LCLAT1: variants seen among roughly 807,000 people sequenced by gnomAD.
The protein encoded by LCLAT1 is lysocardiolipin acyltransferase 1, also known as 1-AGP acyltransferase 8.
LCLAT1 carries 11 observed loss-of-function variants against 30.7 expected under a neutral mutation model. The ratio of observed to expected loss-of-function variants is 0.36; its 90% CI spans 0.23 to 0.59. LCLAT1 has a LOEUF of 0.59. Among genes scored for constraint, LCLAT1 ranks in the 20% least tolerant of loss-of-function variants. LCLAT1 has a pLI of 0.77. For missense variants in LCLAT1, 402 were observed against 458.6 expected (o/e 0.88, Z 1.13); for synonymous variants, 155 against 151.3 (o/e 1.02, Z -0.18).
intron 1 of LCLAT1, among the ~76,000 whole-genome samples, chr2:30,506,174 C>T (rs1171434393): frequency 6.6e-6 from 1 of 152,050 alleles, no homozygotes; most frequent in Admixed American, 6.6e-5. Context: ...TATCTTGTAA[C>T]TTCTTTTTGT....
chr2:30,636,327 T>A (rs1340586121), intron 5 of LCLAT1, among the ~76,000 whole-genome samples: 1 of 152,142 alleles, frequency 6.6e-6, no homozygotes, highest in African/African-American at 2.4e-5. Context: ...AGTATTGAAA[T>A]GTGATTTACC....
Position 30,569,658 on chromosome 2 carries a change from A to G in LCLAT1, c.628+1482A>G, listed in dbSNP as rs1194465294. Among the ~76,000 whole-genome samples, 7 of 152,350 alleles carry G rather than the reference A, an allele frequency of 4.6e-5. No homozygotes were observed. In the East Asian group the frequency reaches 1.2e-3, roughly 25 times the overall value. On this transcript the variant is annotated intron_variant, in intron 5 of 5. Transcript: ENST00000379509. Reference sequence around the variant, plus strand: ...ACTGTTGTTCTCTTTAGGATTTAATATACTTTAAGATAAAAAGTATAACCT... The same window carrying G: ...ACTGTTGTTCTCTTTAGGATTTAATGTACTTTAAGATAAAAAGTATAACCT...
intron 1 of LCLAT1, among the ~76,000 whole-genome samples, chr2:30,449,384 G>A (rs965536928): frequency 2.6e-5 from 4 of 152,112 alleles, no homozygotes; most frequent in Middle Eastern, 3.4e-3. Flanking sequence ...TTCCATTGGC[G>A]TCCAATAGTG....
chr2:30,525,439 C>T (rs1391880118), intron 1 of LCLAT1, 148 bp from the exon 2 acceptor site: 2 of 637,130 alleles, frequency 3.1e-6, no homozygotes, highest in Non-Finnish European at 5.5e-6. Context: ...AGGAGGGTCA[C>T]CTCTTTGAAA....
chr2:30,455,909 C>CAAAAAA (rs3060184), intron 1 of LCLAT1, among the ~76,000 whole-genome samples: 4 of 60,996 alleles, frequency 6.6e-5, no homozygotes, highest in Admixed American at 2.3e-4. Flanking sequence ...GACCCTATAT[C>CAAAAAA]AAAAAAAAAA....
chr2:30,501,793 A>G (rs550865472), intron 1 of LCLAT1, among the ~76,000 whole-genome samples: 8 of 152,362 alleles, frequency 5.3e-5, no homozygotes, highest in African/African-American at 1.7e-4. Flanking sequence ...ATGCCTTCCA[A>G]TGAATCTCAA....
Position 30,454,634 on chromosome 2 carries a change from T to G in LCLAT1, c.-5+7251T>G, listed in dbSNP as rs532235053. On this transcript the variant is annotated intron_variant, in intron 1 of 5. Transcript: ENST00000379509. ...CGTCTGGCTAATTTTTTTTTTTTTTTGTAGAGATATTGTTGTGTTGCCTGG... is the reference window on the plus strand; with the variant it reads ...CGTCTGGCTAATTTTTTTTTTTTTTGGTAGAGATATTGTTGTGTTGCCTGG... Among the ~76,000 whole-genome samples the G allele has an allele frequency of 4.8e-3, 709 of 147,858 alleles. 2 individuals carry two copies. The highest frequency in any genetic ancestry group is 0.017 in the Middle Eastern group (5 of 292).
chr2:30,476,089 T>C (rs1683028128), intron 1 of LCLAT1, among the ~76,000 whole-genome samples: 2 of 152,218 alleles, frequency 1.3e-5, no homozygotes, highest in Admixed American at 1.3e-4. Context: ...AAAGGTAGTA[T>C]AGGTCATAGA....
At chr2:30,528,421 G>A (rs1307509301) in intron 2 of LCLAT1, among the ~76,000 whole-genome samples, 1 of 152,224 alleles carries the variant, frequency 6.6e-6, no homozygotes, top group African/African-American at 2.4e-5. Context: ...TAAGGTAAGG[G>A]AAGAGTGGGC....
intron 5 of LCLAT1, among the ~76,000 whole-genome samples, chr2:30,573,006 C>T (rs1665849702): frequency 6.6e-6 from 1 of 152,088 alleles, no homozygotes; most frequent in African/African-American, 2.4e-5. Flanking sequence ...GCAGAAGTAG[C>T]TTGATGACTT....
chr2:30,567,918 G>A (rs77225022), intron 4 of LCLAT1, 142 bp from the exon 5 acceptor site: 6,458 of 518,766 alleles, frequency 0.012, 185 homozygotes, highest in East Asian at 0.087. Context: ...TGCAATGTTT[G>A]TATCTTCTCA....
chr2:30,501,192 C>A (rs1684368801), intron 1 of LCLAT1, among the ~76,000 whole-genome samples: 1 of 151,856 alleles, frequency 6.6e-6, no homozygotes, highest in East Asian at 1.9e-4. Context: ...AGACTGATCT[C>A]CCGTCTCCTT....
chr2:30,611,313 C>T (rs930396357), intron 5 of LCLAT1, among the ~76,000 whole-genome samples: 4 of 151,992 alleles, frequency 2.6e-5, no homozygotes, highest in African/African-American at 9.7e-5. Context: ...TGAAAATAAA[C>T]TATATAATGT....
intron 5 of LCLAT1, among the ~76,000 whole-genome samples, chr2:30,591,216 A>G (rs1402700479): frequency 6.6e-6 from 1 of 152,210 alleles, no homozygotes. Flanking sequence ...TTACTTTCCA[A>G]ACTAGAGTAT....
chr2:30,565,378 A>G (rs927402172), intron 4 of LCLAT1, among the ~76,000 whole-genome samples: 1 of 152,004 alleles, frequency 6.6e-6, no homozygotes, highest in African/African-American at 2.4e-5. Flanking sequence ...GATGGGGCCT[A>G]CTCCCATTGT....
At chr2:30,456,226 C>T (rs901742571) in intron 1 of LCLAT1, among the ~76,000 whole-genome samples, 1 of 152,174 alleles carries the variant, frequency 6.6e-6, no homozygotes, top group Non-Finnish European at 1.5e-5. Flanking sequence ...TAGGACTCTA[C>T]TGACACCACT....
intron 3 of LCLAT1, among the ~76,000 whole-genome samples, chr2:30,538,962 CTT>C (rs745791329): frequency 9.2e-5 from 13 of 141,464 alleles, no homozygotes; most frequent in Admixed American, 1.4e-4. Flanking sequence ...CCCCCAACCT[CTT>C]TTTTTTTTTT....
chr2:30,454,669 G>A (rs1572463561), intron 1 of LCLAT1, among the ~76,000 whole-genome samples: 2 of 150,452 alleles, frequency 1.3e-5, no homozygotes, highest in Non-Finnish European at 3.0e-5. Context: ...GGCTGGTCCC[G>A]AACTCCTGAG....
intron 2 of LCLAT1, among the ~76,000 whole-genome samples, chr2:30,528,231 T>A (rs981822147): frequency 3.3e-5 from 5 of 152,232 alleles, no homozygotes; most frequent in African/African-American, 1.2e-4. Context: ...CTTTTTTTTC[T>A]GGGCAGCCAT....
Sources: allele counts gnomAD v4.1 joint callset (sites outside exome capture counted in the v4.1 genomes callset), GRCh38; gene constraint gnomAD v4.1.1; transcripts MANE v1.5; gene names NCBI Gene and HGNC (gene_info 2026-07-23, HGNC 2026-07-21).